Variants in EYA2 observed in about 807,000 individuals in gnomAD.
EYA2 encodes protein phosphatase EYA2.
Under a neutral mutation model 69.2 loss-of-function variants are expected in EYA2, and 31 were observed. That is an observed-to-expected ratio of 0.45 (90% CI 0.34 to 0.60). The LOEUF is 0.60. Ranked by LOEUF, EYA2 falls within the 20% of genes least tolerant of loss-of-function variation. EYA2 has a pLI of 0.02. For synonymous variants in EYA2, 257 were observed against 279.4 expected (o/e 0.92, Z 0.80); for missense variants, 622 against 701.2 (o/e 0.89, Z 1.28).
intron 5 of EYA2, among the ~76,000 whole-genome samples, chr20:47,019,318 G>A (rs957923067): frequency 1.3e-5 from 2 of 152,166 alleles, no homozygotes; most frequent in Non-Finnish European, 2.9e-5. Flanking sequence ...GCTGGGCTTC[G>A]TCCCAATTAA....
At position 47,188,803 on chromosome 20, in the gene EYA2, A is replaced by T. The variant is rs1254544613; in HGVS notation, c.*670A>T. ...GCTGGGAAGGAATGGGTGCTTTGTGATGGATAAAAGGCATTAAATAAAACC... is the reference window on the plus strand; with the variant it reads ...GCTGGGAAGGAATGGGTGCTTTGTGTTGGATAAAAGGCATTAAATAAAACC... On this transcript the variant is annotated 3_prime_UTR_variant, in exon 16 of 16. Transcript: ENST00000327619. The T allele has an allele frequency of 6.4e-6, 1 of 157,328 alleles. No homozygotes were observed. Among genetic ancestry groups the T allele is most frequent in the Non-Finnish European group, 1.4e-5 (1 of 71,412 alleles). The allele number at this position is 157,328 out of a possible 1,614,324, so 9.7% of individuals were successfully genotyped here.
chr20:46,912,687 A>ATTT (rs11473019), intron 1 of EYA2, among the ~76,000 whole-genome samples: 15,907 of 145,640 alleles, frequency 0.11, 1,335 homozygotes, highest in East Asian at 0.43. Flanking sequence ...GGAATTTTTA[A>ATTT]TTTTTTTTTT....
At chr20:47,097,339 G>A (rs1220804718) in intron 9 of EYA2, among the ~76,000 whole-genome samples, 171 bp downstream of exon 9, 1 of 152,192 alleles carries the variant, frequency 6.6e-6, no homozygotes, top group African/African-American at 2.4e-5. Flanking sequence ...TTTGCCATGT[G>A]AAAATTTAAT....
intron 4 of EYA2, among the ~76,000 whole-genome samples, chr20:47,013,002 ATTCTC>A (rs1295098647): frequency 1.3e-5 from 2 of 152,240 alleles, no homozygotes; most frequent in African/African-American, 2.4e-5. Flanking sequence ...CCATTTTCAT[ATTCTC>A]TTCTCTTTCT....
rs1393267785 is a variant in EYA2 at position 46,993,871 on chromosome 20, G to GA, written c.109+3754dup. Among the ~76,000 whole-genome samples the GA allele has an allele frequency of 3.3e-5, 5 of 152,288 alleles. No individual in the cohort carries two copies. In the East Asian group the frequency reaches 9.7e-4, roughly 29 times the overall value. ...AGGGAGGGTGCCACATGGCTACACA[G>GA]AACAAGAGCCGTATGCACAGAGAAG... On this transcript the variant is annotated intron_variant, in intron 2 of 15. Transcript: ENST00000327619.
intron 1 of EYA2, among the ~76,000 whole-genome samples, chr20:46,911,844 A>G (rs768918745): frequency 2.6e-5 from 4 of 152,192 alleles, no homozygotes; most frequent in Non-Finnish European, 4.4e-5. Flanking sequence ...ATACAGCTAC[A>G]TAGAAAGAAA....
chr20:47,002,175 T>C (rs1982424519), intron 3 of EYA2, among the ~76,000 whole-genome samples: 1 of 150,464 alleles, frequency 6.6e-6, no homozygotes. Context: ...TCTCTCTCCC[T>C]TTTCCCCTCC....
At chr20:47,063,989 C>G (rs1176936258) in intron 5 of EYA2, among the ~76,000 whole-genome samples, 1 of 152,212 alleles carries the variant, frequency 6.6e-6, no homozygotes, top group Non-Finnish European at 1.5e-5. Context: ...GGGTCTCACT[C>G]CCATTGCCCA....
chr20:47,057,670 A>G (rs911168447), intron 5 of EYA2, among the ~76,000 whole-genome samples: 1 of 152,198 alleles, frequency 6.6e-6, no homozygotes, highest in Non-Finnish European at 1.5e-5. Flanking sequence ...TCCCTTTGCT[A>G]TGGGGAAAGA....
intron 1 of EYA2, among the ~76,000 whole-genome samples, chr20:46,919,973 G>C (rs1170906842): frequency 2.6e-5 from 4 of 152,130 alleles, no homozygotes; most frequent in African/African-American, 9.7e-5. Flanking sequence ...GAGGGAGAGA[G>C]GTAGGGGAAC....
At chr20:47,151,698 C>A (rs1390927564) in intron 10 of EYA2, among the ~76,000 whole-genome samples, 1 of 152,010 alleles carries the variant, frequency 6.6e-6, no homozygotes, top group Non-Finnish European at 1.5e-5. Context: ...ATTCTGCCAT[C>A]ATATGCTCCC....
intron 1 of EYA2, among the ~76,000 whole-genome samples, chr20:46,958,851 T>C (rs1979301002): frequency 6.6e-6 from 1 of 152,234 alleles, no homozygotes; most frequent in Non-Finnish European, 1.5e-5. Flanking sequence ...GCTCCATCCA[T>C]GTCCCTGCAA....
At chr20:47,089,855 A>G (rs1024118030) in intron 8 of EYA2, among the ~76,000 whole-genome samples, 1 of 152,106 alleles carries the variant, frequency 6.6e-6, no homozygotes, top group Non-Finnish European at 1.5e-5. Flanking sequence ...TTTAAAAAAC[A>G]GATACCCTGG....
At position 47,183,359 on chromosome 20, in the gene EYA2, G is replaced by A; in HGVS notation, c.1504G>A (p.Asp502Asn). 1 of 1,614,174 alleles carries A rather than the reference G, an allele frequency of 6.2e-7. No homozygotes were observed. Among genetic ancestry groups the A allele is most frequent in the Non-Finnish European group, 8.5e-7 (1 of 1,180,018 alleles). ...GRKAVYVVIG[D>N]GVEEEQGAKK... ...AAAAGCTGTCTACGTGGTGATCGGT[G>A]ATGGTGTGGAAGAGGAGCAAGGAGC... Residue 502 changes from aspartate to asparagine, a missense_variant, in exon 15 of 16, where the codon GAT (aspartate) becomes AAT (asparagine). Transcript: ENST00000327619.
At chr20:46,923,239 A>G (rs6066115) in intron 1 of EYA2, among the ~76,000 whole-genome samples, 19,225 of 152,150 alleles carry the variant, frequency 0.13, 1,667 homozygotes, top group Non-Finnish European at 0.19. Context: ...GGTGGCAGAC[A>G]CCTGTAATAC....
chr20:47,134,223 C>T (rs1444274074), intron 9 of EYA2, among the ~76,000 whole-genome samples: 1 of 152,206 alleles, frequency 6.6e-6, no homozygotes, highest in Non-Finnish European at 1.5e-5. Flanking sequence ...CAGCACATCC[C>T]TTCTGCCCAG....
At chr20:47,108,370 C>T (rs1209771451) in intron 9 of EYA2, among the ~76,000 whole-genome samples, 1 of 152,152 alleles carries the variant, frequency 6.6e-6, no homozygotes, top group East Asian at 1.9e-4. Context: ...CATGCTGGCT[C>T]CCCTTTGCTT....
intron 5 of EYA2, among the ~76,000 whole-genome samples, chr20:47,028,291 G>A (rs1568732941): frequency 6.6e-6 from 1 of 152,240 alleles, no homozygotes; most frequent in Non-Finnish European, 1.5e-5. Flanking sequence ...AAGCCACCTA[G>A]GTGACAGCAT....
chr20:47,160,909 A>G (rs2034052801), intron 10 of EYA2: 4 of 240,198 alleles, frequency 1.7e-5, no homozygotes. Flanking sequence ...CAAGGTAGTC[A>G]GTGAATTCCT....
Sources: allele counts gnomAD v4.1 joint callset (sites outside exome capture counted in the v4.1 genomes callset), GRCh38; gene constraint gnomAD v4.1.1; transcripts MANE v1.5; gene names NCBI Gene and HGNC (gene_info 2026-07-23, HGNC 2026-07-21).